PRKD1: variants seen among roughly 807,000 people sequenced by gnomAD.
PRKD1 encodes the protein serine/threonine-protein kinase D1.
Under a neutral mutation model 95.9 loss-of-function variants are expected in PRKD1, and 63 were observed. That is an observed-to-expected ratio of 0.66 (90% CI 0.54 to 0.81). The LOEUF is 0.81. Among genes scored for constraint, PRKD1 ranks in the 30% least tolerant of loss-of-function variants. The probability of loss-of-function intolerance (pLI) is 0.00; values close to 1 mark genes in which losing one functional copy is unlikely to be tolerated. For synonymous variants in PRKD1, 425 were observed against 423.1 expected, an observed-to-expected ratio of 1.00 and a Z score of -0.05; for missense variants, 1,048 against 1,165.3, an observed-to-expected ratio of 0.90 and a Z score of 1.47.
intron 2 of PRKD1, among the ~76,000 whole-genome samples, chr14:29,701,256 T>C (rs949439604): frequency 6.6e-6 from 1 of 152,166 alleles, no homozygotes; most frequent in African/African-American, 2.4e-5. Flanking sequence ...GAAATGTATG[T>C]TCTTGGCCAC....
At position 29,679,103 on chromosome 14, in the gene PRKD1, G is replaced by C. The variant is rs566884471; in HGVS notation, c.404-12895C>G. Reference sequence around the variant, plus strand: ...ATAAAACTCTGAAACCAAACCATGTGCTTCATTTATTTTGTAAAAAGCTGA... The same window carrying C: ...ATAAAACTCTGAAACCAAACCATGTCCTTCATTTATTTTGTAAAAAGCTGA... On this transcript the variant is annotated intron_variant, in intron 2 of 17. Transcript: ENST00000331968. Among the ~76,000 whole-genome samples, 3 of 152,216 alleles carry C rather than the reference G, an allele frequency of 2.0e-5. No individual in the cohort carries two copies. The South Asian group carries it at 6.2e-4, about 32-fold the overall frequency.
rs1416715023 is a variant in PRKD1, at chr14:29,597,646, T to C, written c.2279A>G (p.Tyr760Cys). 1 of 1,614,096 alleles carries C rather than the reference T, an allele frequency of 6.2e-7. No homozygotes were observed. The highest frequency in any genetic ancestry group is 2.2e-5 in the East Asian group (1 of 44,860). The change falls in exon 16 of 18, where the codon TAC becomes TGC. Residue 760 changes from tyrosine (Y) to cysteine (C), a missense_variant. Transcript: ENST00000331968. ...AGACCACATGTCTAGAGAGCGATTG[T>C]AGCCCTTGTTCCTTAGGACCTCAGG... ...LAPEVLRNKG[Y>C]NRSLDMWSVG...
intron 16 of PRKD1, among the ~76,000 whole-genome samples, chr14:29,586,355 A>T (rs1892927438): frequency 6.6e-6 from 1 of 152,194 alleles, no homozygotes; most frequent in Admixed American, 6.5e-5. Flanking sequence ...AAATAACTAC[A>T]GACTGGAGCA....
At chr14:29,698,612 C>T (rs1170539863) in intron 2 of PRKD1, among the ~76,000 whole-genome samples, 2 of 151,840 alleles carry the variant, frequency 1.3e-5, no homozygotes, top group Non-Finnish European at 2.9e-5. Flanking sequence ...GCCTTCCTTC[C>T]TCTATAGAAC....
At chr14:29,901,870 C>A (rs1894330381) in intron 1 of PRKD1, among the ~76,000 whole-genome samples, 1 of 152,156 alleles carries the variant, frequency 6.6e-6, no homozygotes, top group Non-Finnish European at 1.5e-5. Context: ...TATTAAGATG[C>A]AGAAACTTCA....
At chr14:29,597,879 T>C (rs1893367608) in intron 15 of PRKD1, 121 bp from the exon 16 acceptor site, 1 of 1,071,998 alleles carries the variant, frequency 9.3e-7, no homozygotes, top group East Asian at 2.6e-5. Context: ...TTAAATGATA[T>C]GGATTTCTTA....
rs192138799 is a variant in PRKD1 at position 29,800,337 on chromosome 14, T to C, written c.265-74663A>G. 8.0e-4 allele frequency among the ~76,000 whole-genome samples: 122 copies of C among 152,324 alleles called. 1 individual carries two copies. The highest frequency in any genetic ancestry group is 6.8e-3 in the Middle Eastern group (2 of 294). ...CCAAGGAGAGTCCGCACTGGTTGCG[T>C]AGAGGCGTGCTTGCATTTGTTTAAC... On this transcript the variant is annotated intron_variant, in intron 1 of 17. Transcript: ENST00000331968.
At chr14:29,594,150 A>G (rs1229763147) in intron 16 of PRKD1, 1 of 453,938 alleles carries the variant, frequency 2.2e-6, no homozygotes, top group East Asian at 7.0e-5. Context: ...TATAGGTATT[A>G]TATTGTATCA....
chr14:29,586,091 C>T (rs187590173), intron 16 of PRKD1, among the ~76,000 whole-genome samples: 9 of 152,288 alleles, frequency 5.9e-5, no homozygotes, highest in African/African-American at 2.2e-4. Flanking sequence ...GGACTTTAAA[C>T]CACATTTTGA....
At chr14:29,609,747 C>T (rs1281628335) in intron 13 of PRKD1, among the ~76,000 whole-genome samples, 1 of 134,214 alleles carries the variant, frequency 7.5e-6, no homozygotes, top group African/African-American at 2.8e-5. Flanking sequence ...TTAGTAGAGA[C>T]AGGGTTTCAC....
chr14:29,813,815 G>A (rs1485290635), intron 1 of PRKD1, among the ~76,000 whole-genome samples: 2 of 152,096 alleles, frequency 1.3e-5, no homozygotes, highest in East Asian at 1.9e-4. Flanking sequence ...TCTGTCAGAC[G>A]ATGTTCATAG....
chr14:29,891,992 A>G (rs1241505804), intron 1 of PRKD1, among the ~76,000 whole-genome samples: 1 of 152,220 alleles, frequency 6.6e-6, no homozygotes, highest in Non-Finnish European at 1.5e-5. Flanking sequence ...TGAATACGTC[A>G]CACAGTTCAT....
intron 2 of PRKD1, among the ~76,000 whole-genome samples, chr14:29,673,697 C>A (rs190304687): frequency 6.6e-6 from 1 of 152,230 alleles, no homozygotes; most frequent in Non-Finnish European, 1.5e-5. Context: ...TAAGGCTCTA[C>A]ATTTTATTGA....
intron 1 of PRKD1, among the ~76,000 whole-genome samples, chr14:29,771,578 C>T (rs1325067113): frequency 1.3e-5 from 2 of 152,094 alleles, no homozygotes; most frequent in African/African-American, 2.4e-5. Context: ...AAGGCTTCCT[C>T]GGACAGCATT....
At chr14:29,782,367 C>A (rs563582031) in intron 1 of PRKD1, among the ~76,000 whole-genome samples, 1 of 152,124 alleles carries the variant, frequency 6.6e-6, no homozygotes, top group South Asian at 2.1e-4. Context: ...TTGAGCATTA[C>A]TAGCAGCAAA....
chr14:29,889,468 C>T (rs1181607464), intron 1 of PRKD1, among the ~76,000 whole-genome samples: 1 of 152,126 alleles, frequency 6.6e-6, no homozygotes, highest in South Asian at 2.1e-4. Flanking sequence ...TTTCCCTTTC[C>T]TAGCCAAGGG....
chr14:29,601,595 T>C (rs1260192397), intron 13 of PRKD1, among the ~76,000 whole-genome samples: 5 of 152,136 alleles, frequency 3.3e-5, no homozygotes, highest in African/African-American at 4.8e-5. Flanking sequence ...ATGGAGATAG[T>C]TGGGGTTCAC....
intron 2 of PRKD1, among the ~76,000 whole-genome samples, chr14:29,693,503 G>T (rs77959825): frequency 6.6e-6 from 1 of 151,866 alleles, no homozygotes; most frequent in African/African-American, 2.4e-5. Context: ...TACTGAGATT[G>T]TTGGAAAGTT....
intron 1 of PRKD1, among the ~76,000 whole-genome samples, chr14:29,779,530 A>C (rs1293960172): frequency 1.3e-5 from 2 of 152,178 alleles, no homozygotes; most frequent in Non-Finnish European, 2.9e-5. Context: ...GTGAACTCCC[A>C]TTCACAATTG....
Sources: gnomAD v4.1 joint callset for allele counts (sites outside exome capture counted in the v4.1 genomes callset) on GRCh38, gnomAD v4.1.1 for gene constraint, MANE v1.5 for transcripts, NCBI Gene and HGNC (gene_info 2026-07-23, HGNC 2026-07-21) for gene names.